The following HMG20B variants were observed in gnomAD, a reference collection of about 807,000 sequenced individuals.
HMG20B encodes SWI/SNF-related matrix-associated actin-dependent regulator of chromatin subfamily E member 1-related.
A neutral mutation model predicts 41.6 loss-of-function variants in HMG20B; 24 were observed. That is an observed-to-expected ratio of 0.58 (90% CI 0.42 to 0.81). The LOEUF (loss-of-function observed/expected upper bound fraction) is 0.81. Ranked by LOEUF, HMG20B falls within the 30% of genes least tolerant of loss-of-function variation. HMG20B has a pLI of 0.00. For missense variants in HMG20B, 461 were observed against 444.0 expected (o/e 1.04, Z -0.34); for synonymous variants, 251 against 186.6 (o/e 1.34, Z -2.81).
rs1438337554 is a variant in HMG20B at position 3,573,526 on chromosome 19, C to T, written c.39-166C>T. ...CGGCCTCCAGTCCCTCCCAGGAGCC[C>T]CGCTTGTCCCACCTTCCCCGGATAC... On this transcript the variant is annotated intron_variant, in intron 2 of 9. Coordinates refer to ENST00000333651, the MANE Select transcript of HMG20B (RefSeq NM_006339.3). 4 of 895,240 alleles carry T rather than the reference C, an allele frequency of 4.5e-6. No homozygotes were observed. In the South Asian group the frequency reaches 5.7e-5, roughly 13 times the overall value. 55.5% of individuals were successfully genotyped at this position (895,240 alleles called of 1,614,324 possible).
In HMG20B at chr19:3,573,326, A is replaced by G; in HGVS notation, c.17A>G (p.Lys6Arg). Residue 6 changes from lysine to arginine, a missense_variant, in exon 2 of 10, where the codon AAG (lysine) becomes AGG (arginine). Physicochemically the swap from Lys to Arg is conservative, Grantham distance 26. This residue lies in a region of HMG20B where 104 missense variants were observed against 76.5 expected (regional missense o/e 1.36). Coordinates refer to ENST00000333651, the MANE Select transcript of HMG20B (RefSeq NM_006339.3). The stretch of plus-strand genomic sequence containing the variant: ...GGAGCGGCCATGTCCCACGGCCCCA[A>G]GCAGCCCGGCGCGGCCGCCGCGTGA... MSHGP[K>R]QPGAAAAPAG... The G allele has an allele frequency of 6.5e-7, 1 of 1,534,206 alleles. No homozygotes were observed. The highest frequency in any genetic ancestry group is 8.7e-7 in the Non-Finnish European group (1 of 1,143,242).
rs561834298 is a variant in HMG20B, at chr19:3,578,711, C to T, written c.*190C>T. The T allele has an allele frequency of 8.1e-5, 69 of 852,078 alleles. No homozygotes were observed. The highest frequency in any genetic ancestry group is 1.2e-4 in the African/African-American group (7 of 60,158). 52.8% of individuals were successfully genotyped at this position (852,078 alleles called of 1,614,324 possible). ...CTTTCAATCTCCCCAGCCCCCTGAA[C>T]CCGGAAAAAGCACTCGCTGCGCGAT... On this transcript the variant is annotated 3_prime_UTR_variant, in exon 10 of 10. Transcript: ENST00000333651.
intron 5 of HMG20B, chr19:3,576,025 G>T: frequency 6.8e-6 from 4 of 586,858 alleles, no homozygotes; most frequent in Non-Finnish European, 1.2e-5. Context: ...TGTGGGGTGC[G>T]ACCTCAGCCC....
intron 9 of HMG20B, 47 bp downstream of exon 9, chr19:3,578,160 T>C (rs1469967532): frequency 1.3e-6 from 2 of 1,593,054 alleles, no homozygotes; most frequent in African/African-American, 2.7e-5. Flanking sequence ...AAGGCCCGGA[T>C]GTGCCCGCCC....
chr19:3,576,574 T>C lies in HMG20B; in HGVS notation c.541T>C (p.Ser181Pro). 6.2e-7 allele frequency: 1 copy of C among 1,613,560 alleles called. No homozygotes were observed. The highest frequency in any genetic ancestry group is 8.5e-7 in the Non-Finnish European group (1 of 1,179,690). The part of the protein sequence containing the change: ...GHKGGDCDGF[S>P]TFDVPIFTEE... ...TTAGGGTGGGGACTGCGATGGCTTC[T>C]CCACCTTCGATGTTCCCATCTTCAC... The change falls in exon 7 of 10, where the codon TCC becomes CCC. Residue 181 changes from serine to proline, a missense_variant. Coordinates refer to ENST00000333651, the MANE Select transcript of HMG20B (RefSeq NM_006339.3).
At chr19:3,573,627 G>A in intron 2 of HMG20B, 65 bp from the exon 3 acceptor site, 1 of 1,381,274 alleles carries the variant, frequency 7.2e-7, no homozygotes, top group African/African-American at 1.5e-5. Context: ...AAAACGCCCT[G>A]GGGTGGGCTT....
chr19:3,573,834 C>T, intron 3 of HMG20B, 34 bp downstream of exon 3: 1 of 1,537,806 alleles, frequency 6.5e-7, no homozygotes, highest in East Asian at 2.3e-5. Flanking sequence ...GGGGAGGCCC[C>T]GGGCTCCCGC....
intron 8 of HMG20B, 35 bp from the exon 9 acceptor site, chr19:3,577,946 G>C (rs775737432): frequency 6.5e-7 from 1 of 1,528,406 alleles, no homozygotes; most frequent in South Asian, 1.2e-5. Flanking sequence ...GCGACTCCCC[G>C]GCACCCTCGC....
rs766911186 is a variant in HMG20B, at chr19:3,578,657, A to C, written c.*136A>C. ...GCACCTTGGGGGCTCCAGCCCCCCTAAAATTAAATTTCTGCAGCATCCCTT... is the reference window on the plus strand; with the variant it reads ...GCACCTTGGGGGCTCCAGCCCCCCTCAAATTAAATTTCTGCAGCATCCCTT... On this transcript the variant is annotated 3_prime_UTR_variant, in exon 10 of 10. Transcript: ENST00000333651. 1 of 1,147,784 alleles carries C rather than the reference A, an allele frequency of 8.7e-7. No homozygotes were observed. The highest frequency in any genetic ancestry group is 1.3e-5 in the South Asian group (1 of 75,562). The allele number at this position is 1,147,784 out of a possible 1,614,324, so 71.1% of individuals were successfully genotyped here.
chr19:3,576,843 G>C (rs760220093), intron 7 of HMG20B, 49 bp from the exon 8 acceptor site: 1 of 1,539,928 alleles, frequency 6.5e-7, no homozygotes, highest in Non-Finnish European at 8.8e-7. Flanking sequence ...AAGCCCGGAG[G>C]TAGGGGAAAG....
chr19:3,573,210 C>A, intron 1 of HMG20B, 82 bp from the exon 2 acceptor site: 1 of 1,192,186 alleles, frequency 8.4e-7, no homozygotes, highest in Non-Finnish European at 1.1e-6. Flanking sequence ...TCCCGGGGCT[C>A]TCCATCGCGG....
chr19:3,573,108 G>C (rs948197676), intron 1 of HMG20B, 114 bp downstream of exon 1: 18 of 514,684 alleles, frequency 3.5e-5, no homozygotes, highest in Non-Finnish European at 6.1e-5. Flanking sequence ...CTCCCGGGGG[G>C]GGCAATCGCC....
At chr19:3,576,127 C>G (rs1223809403) in intron 5 of HMG20B, 134 bp from the exon 6 acceptor site, 1 of 744,566 alleles carries the variant, frequency 1.3e-6, no homozygotes, top group Non-Finnish European at 2.3e-6. Context: ...TCACTCGGTA[C>G]AGCGATGGGG....
chr19:3,577,127 C>G lies in HMG20B; in HGVS notation c.808+20C>G. On this transcript the variant is annotated intron_variant, in intron 8 of 9. Transcript: ENST00000333651. ...TGCCGGGTGCGGGCCACGCCCATCT[C>G]CCAGTCCCGCCCCGGTCACCCGGCC... 6.8e-7 allele frequency: 1 copy of G among 1,460,878 alleles called. No homozygotes were observed. The highest frequency in any genetic ancestry group is 2.5e-5 in the East Asian group (1 of 39,246). 90.5% of individuals were successfully genotyped at this position (1,460,878 alleles called of 1,614,324 possible).
At chr19:3,576,799 G>A in intron 7 of HMG20B, 93 bp from the exon 8 acceptor site, 2 of 1,421,996 alleles carry the variant, frequency 1.4e-6, no homozygotes, top group East Asian at 2.5e-5. Flanking sequence ...AGGGCGCAGT[G>A]AGGGAAACCT....
rs769141226 is a variant in HMG20B at position 3,576,275 on chromosome 19, G to A, written c.487G>A (p.Gly163Arg). 6.2e-7 allele frequency: 1 copy of A among 1,613,752 alleles called. No individual in the cohort carries two copies. The highest frequency in any genetic ancestry group is 1.1e-5 in the South Asian group (1 of 91,086). ...KKIKKEDSSS[G>R]LMNTLLNGHK... The stretch of plus-strand genomic sequence containing the variant: ...TCCCCCGCCAGAAGACTCGAGCTCT[G>A]GGCTCATGAACACTCTCCTGAATGG... Residue 163 changes from glycine (G) to arginine (R), a missense_variant, in exon 6 of 10, where the codon GGG becomes AGG. Gly to Arg is a moderately radical substitution (Grantham distance 125). This residue lies in a region of HMG20B where 308 missense variants were observed against 283.4 expected (regional missense o/e 1.09). Transcript: ENST00000333651.
chr19:3,573,034 G>A (rs987299229), intron 1 of HMG20B, 40 bp downstream of exon 1: 64 of 408,332 alleles, frequency 1.6e-4, no homozygotes, highest in African/African-American at 1.3e-3. Context: ...GAGAGGGGGC[G>A]GGGGTGCAGG....
Position 3,573,618 on chromosome 19 carries a change from A to G in HMG20B, c.39-74A>G. 13 of 1,350,716 alleles carry G rather than the reference A, an allele frequency of 9.6e-6. 1 individual carries two copies. In the South Asian group the frequency reaches 1.8e-4, roughly 18 times the overall value. The allele number at this position is 1,350,716 out of a possible 1,614,324, so 83.7% of individuals were successfully genotyped here. A position where few individuals can be genotyped will look rare whatever the true frequency, so the allele number is the denominator to read the frequency against. On this transcript the variant is annotated intron_variant, in intron 2 of 9. Coordinates refer to ENST00000333651, the MANE Select transcript of HMG20B (RefSeq NM_006339.3). ...GCTGCAGCCCCGCCGTCGGGGGTCA[A>G]AACGCCCTGGGGTGGGCTTTTGGGG...
Position 3,573,792 on chromosome 19 carries a change from G to A in HMG20B, c.139G>A (p.Glu47Lys). 1 of 1,581,374 alleles carries A rather than the reference G, an allele frequency of 6.3e-7. No individual in the cohort carries two copies. Among genetic ancestry groups the A allele is most frequent in the Non-Finnish European group, 8.6e-7 (1 of 1,167,652 alleles). ...GPRAGEKGSHEEEPVKKRGWP... is the reference protein window; with the variant it reads ...GPRAGEKGSHKEEPVKKRGWP... ...ACGCGCGGGCGAGAAGGGGTCCCAC[G>A]AGGAGGAGGTGAGAGTCCCTGCGCT... The change falls in exon 3 of 10, where the codon GAG becomes AAG. Residue 47 changes from glutamate to lysine, a missense_variant. Transcript: ENST00000333651.
Sources: gnomAD v4.1 joint callset for allele counts on GRCh38, gnomAD v4.1.1 for gene constraint, gnomAD v4.1.1 regional missense constraint, MANE v1.5 for transcripts, NCBI Gene and HGNC (gene_info 2026-07-23, HGNC 2026-07-21) for gene names.